CDC73: variants seen among roughly 807,000 people sequenced by gnomAD.
The protein encoded by CDC73 is cell division cycle 73, also known as parafibromin.
In CDC73, 21 loss-of-function variants were observed where a neutral mutation model predicts 83.7. The ratio of observed to expected loss-of-function variants is 0.25; its 90% CI spans 0.18 to 0.36. The LOEUF is 0.36. CDC73 is among the 10% of genes least tolerant of loss of function. The probability of loss-of-function intolerance (pLI) is 1.00; values close to 1 mark genes in which losing one functional copy is unlikely to be tolerated. For missense variants in CDC73, 342 were observed against 653.3 expected, an observed-to-expected ratio of 0.52 and a Z score of 5.19; for synonymous variants, 224 against 212.9, an observed-to-expected ratio of 1.05 and a Z score of -0.45.
chr1:193,249,397 C>T (rs921959522), intron 15 of CDC73, among the ~76,000 whole-genome samples: 2 of 151,916 alleles, frequency 1.3e-5, no homozygotes, highest in Admixed American at 6.6e-5. Flanking sequence ...AGGAAATATG[C>T]GTAACTCATT....
chr1:193,214,787 T>C (rs1677335656), intron 13 of CDC73, among the ~76,000 whole-genome samples: 1 of 152,214 alleles, frequency 6.6e-6, no homozygotes, highest in African/African-American at 2.4e-5. Flanking sequence ...TGGGATACAC[T>C]TGACATTAGA....
intron 7 of CDC73, among the ~76,000 whole-genome samples, chr1:193,147,373 C>CTT (rs945525186): frequency 7.3e-6 from 1 of 137,438 alleles, no homozygotes; most frequent in Admixed American, 7.4e-5. Flanking sequence ...TTTTTTTTTT[C>CTT]TTTTTTTTTT....
intron 3 of CDC73, among the ~76,000 whole-genome samples, chr1:193,134,163 T>A (rs971840980): frequency 6.6e-6 from 1 of 152,058 alleles, no homozygotes; most frequent in East Asian, 1.9e-4. Flanking sequence ...ATTACATGTG[T>A]AGGGTGAATG....
intron 10 of CDC73, among the ~76,000 whole-genome samples, chr1:193,194,932 A>T (rs1676977061): frequency 6.6e-6 from 1 of 152,092 alleles, no homozygotes; most frequent in Admixed American, 6.6e-5. Flanking sequence ...CTATATGTGT[A>T]TGTACATATA....
chr1:193,191,939 T>A (rs1203735759), intron 10 of CDC73, among the ~76,000 whole-genome samples: 1 of 152,210 alleles, frequency 6.6e-6, no homozygotes, highest in Non-Finnish European at 1.5e-5. Context: ...CTCTCCATTC[T>A]CTGCAAACCC....
At chr1:193,240,027 C>T (rs1047229003) in intron 15 of CDC73, among the ~76,000 whole-genome samples, 3 of 152,108 alleles carry the variant, frequency 2.0e-5, no homozygotes, top group Non-Finnish European at 2.9e-5. Context: ...CACACCCTTC[C>T]AACCCTCTAG....
chr1:193,122,452 A>T (rs1675471312), intron 1 of CDC73, 121 bp downstream of exon 1: 1 of 1,314,604 alleles, frequency 7.6e-7, no homozygotes, highest in African/African-American at 1.5e-5. Context: ...GTGTTCGGGG[A>T]AAAGAAAGTT....
intron 13 of CDC73, among the ~76,000 whole-genome samples, chr1:193,219,544 C>T (rs1179511473): frequency 2.6e-5 from 4 of 152,068 alleles, no homozygotes; most frequent in Admixed American, 2.0e-4. Flanking sequence ...ATACATGCCA[C>T]GGAATACTAT....
chr1:193,203,785 T>A lies in CDC73; in HGVS notation c.973-10T>A, dbSNP rs766101066. ...TTTGATCTTATATATCAATTCTTAT[T>A]CTTTTAAAGGAGGGTGCATCTGCCC... On this transcript the variant is annotated splice_polypyrimidine_tract_variant and intron_variant, in intron 10 of 16. Coordinates refer to ENST00000367435, the MANE Select transcript of CDC73 (RefSeq NM_024529.5). 6.2e-7 allele frequency: 1 copy of A among 1,606,136 alleles called. No individual in the cohort carries two copies.
rs539029724 is a variant in CDC73, at chr1:193,149,788, A to G, written c.829-516A>G. 1.0e-3 allele frequency among the ~76,000 whole-genome samples: 159 copies of G among 152,226 alleles called. 1 individual carries two copies. The highest frequency in any genetic ancestry group is 3.7e-3 in the African/African-American group (155 of 41,544). On this transcript the variant is annotated intron_variant, in intron 8 of 16. Transcript: ENST00000367435. ...AGTTTGTTAAACATTGTGAGTTTTG[A>G]TAAAGTATTTGTGATTAAATAATGC...
At chr1:193,169,592 T>C (rs1676487394) in intron 10 of CDC73, among the ~76,000 whole-genome samples, 1 of 152,196 alleles carries the variant, frequency 6.6e-6, no homozygotes, top group Admixed American at 6.5e-5. Context: ...AGTTGCATAA[T>C]GGCTGATGCC....
chr1:193,249,667 G>T (rs1170894121), intron 15 of CDC73, 63 bp from the exon 16 acceptor site: 3 of 1,339,326 alleles, frequency 2.2e-6, no homozygotes, highest in Admixed American at 1.7e-5. Context: ...GTGGAATAAA[G>T]AAATTTTTTT....
chr1:193,154,129 C>T lies in CDC73; in HGVS notation c.972+1685C>T, dbSNP rs574187034. ...TTGACATCTTGGGAACAGAACTTGC[C>T]TACTAATCATTTCCCTAAGTGCGAC... On this transcript the variant is annotated intron_variant, in intron 10 of 16. Coordinates refer to ENST00000367435, the MANE Select transcript of CDC73 (RefSeq NM_024529.5). 3.3e-5 allele frequency among the ~76,000 whole-genome samples: 5 copies of T among 152,324 alleles called. No individual in the cohort carries two copies. The East Asian group carries it at 9.6e-4, about 29-fold the overall frequency.
chr1:193,151,976 T>C (rs565688820), intron 9 of CDC73, among the ~76,000 whole-genome samples: 25 of 152,262 alleles, frequency 1.6e-4, no homozygotes, highest in Middle Eastern at 3.4e-3. Flanking sequence ...AAAATAAGTA[T>C]ATGCCTTATG....
chr1:193,124,989 AC>A (rs1455365544), intron 1 of CDC73, 122 bp from the exon 2 acceptor site: 12 of 694,648 alleles, frequency 1.7e-5, no homozygotes, highest in Non-Finnish European at 2.6e-6. Flanking sequence ...TAGATTTTAT[AC>A]TTTTTTTTTG....
intron 10 of CDC73, among the ~76,000 whole-genome samples, chr1:193,153,175 A>T (rs1304835034): frequency 6.6e-6 from 1 of 152,198 alleles, no homozygotes; most frequent in Non-Finnish European, 1.5e-5. Flanking sequence ...GGTATCTGTG[A>T]ATATAAGCCT....
At chr1:193,144,609 C>T (rs1280574178) in intron 7 of CDC73, among the ~76,000 whole-genome samples, 4 of 152,222 alleles carry the variant, frequency 2.6e-5, no homozygotes, top group African/African-American at 4.8e-5. Flanking sequence ...TCCTTGATGA[C>T]GTTTTTAAAA....
intron 10 of CDC73, chr1:193,180,128 G>T: frequency 3.3e-6 from 2 of 597,930 alleles, no homozygotes; most frequent in Non-Finnish European, 5.2e-6. Flanking sequence ...GTTATATAAT[G>T]TTATAGTTTT....
intron 13 of CDC73, among the ~76,000 whole-genome samples, chr1:193,228,022 G>C (rs1169032280): frequency 3.9e-5 from 6 of 152,166 alleles, no homozygotes; most frequent in Admixed American, 3.9e-4. Flanking sequence ...ACATTTGACA[G>C]TTGACCTAGG....
Sources: allele counts gnomAD v4.1 joint callset (sites outside exome capture counted in the v4.1 genomes callset), GRCh38; gene constraint gnomAD v4.1.1; transcripts MANE v1.5; gene names NCBI Gene and HGNC (gene_info 2026-07-23, HGNC 2026-07-21).